DIAPH2: variants seen among roughly 807,000 people sequenced by gnomAD.
DIAPH2 encodes the protein protein diaphanous homolog 2.
DIAPH2 carries 35 observed loss-of-function variants against 92.7 expected under a neutral mutation model. The ratio of observed to expected loss-of-function variants is 0.38; its 90% CI spans 0.29 to 0.50. The LOEUF is 0.50. Ranked by LOEUF, DIAPH2 falls within the 20% of genes least tolerant of loss-of-function variation. The probability of loss-of-function intolerance (pLI) is 0.94; values close to 1 mark genes in which losing one functional copy is unlikely to be tolerated. For missense variants in DIAPH2, 701 were observed against 819.5 expected (o/e 0.86, Z 1.77); for synonymous variants, 301 against 280.4 (o/e 1.07, Z -0.73).
At chrX:97,245,681 C>T (rs763657373) in intron 22 of DIAPH2, among the ~76,000 whole-genome samples, 3 of 111,062 alleles carry the variant, frequency 2.7e-5, no homozygotes, top group East Asian at 5.7e-4. Flanking sequence ...CACAAGTGCT[C>T]GGATTACAGG....
At position 96,958,116 on chromosome X, in the gene DIAPH2, G is replaced by T; in HGVS notation, c.1903G>T (p.Glu635Ter). 1 of 1,209,508 alleles carries T rather than the reference G, an allele frequency of 8.3e-7. No homozygotes were observed. Among genetic ancestry groups the T allele is most frequent in the Non-Finnish European group, 1.1e-6 (1 of 894,546 alleles). The change falls in exon 16 of 27, where the codon GAA becomes TAA. Residue 635 changes from glutamate to a stop codon, truncating the protein, a stop_gained. Transcript: ENST00000324765. LOFTEE classifies it high-confidence loss of function. ...GAAGCAGAAAAAAATGTATAAACCT[G>T]AAGTGTCCATGAAGAGAATCAATTG... is the stretch of plus-strand genomic sequence containing the variant. ...GMKQKKMYKP[E>*]VSMKRINWSK...
Position 96,949,012 on chromosome X carries a change from A to G in DIAPH2, c.1587A>G (p.Glu529=). 8.3e-7 allele frequency: 1 copy of G among 1,203,144 alleles called. No homozygotes were observed. The highest frequency in any genetic ancestry group is 1.1e-6 in the Non-Finnish European group (1 of 890,468). The change falls in exon 15 of 27, where the codon GAA becomes GAG. Residue 529 remains glutamate (E), a synonymous_variant. Transcript: ENST00000324765. ...QKRDEKIKEL[E]AEIQQLRTQA... ...GAGATGAGAAAATCAAAGAACTTGAAGCAGAAATCCAGCAACTTCGAACCC... is the reference window on the plus strand; with the variant it reads ...GAGATGAGAAAATCAAAGAACTTGAGGCAGAAATCCAGCAACTTCGAACCC...
At chrX:96,931,653 C>T (rs752073262) in intron 10 of DIAPH2, among the ~76,000 whole-genome samples, 6 of 109,224 alleles carry the variant, frequency 5.5e-5, no homozygotes, top group East Asian at 2.8e-4. Flanking sequence ...CATGTGTGTG[C>T]GTGTGTGTGT....
intron 26 of DIAPH2, among the ~76,000 whole-genome samples, chrX:97,540,543 T>A (rs1460944567): frequency 1.8e-5 from 2 of 112,561 alleles, no homozygotes; most frequent in African/African-American, 3.2e-5. Context: ...TTAAGTGAAG[T>A]CATAGTTAGC....
chrX:97,105,601 CTT>C (rs1248902256), intron 20 of DIAPH2, among the ~76,000 whole-genome samples: 1 of 111,948 alleles, frequency 8.9e-6, no homozygotes, highest in Non-Finnish European at 1.9e-5. Context: ...TTCTGAGTGT[CTT>C]TGCAGCTCAG....
intron 23 of DIAPH2, among the ~76,000 whole-genome samples, chrX:97,270,050 C>A (rs1311499203): frequency 2.7e-5 from 3 of 111,274 alleles, no homozygotes; most frequent in Non-Finnish European, 3.8e-5. Flanking sequence ...CCTGCCTCAG[C>A]CTCCTGAGTA....
chrX:97,323,566 G>A (rs2068921390), intron 23 of DIAPH2, among the ~76,000 whole-genome samples: 1 of 93,751 alleles, frequency 1.1e-5, no homozygotes, highest in African/African-American at 3.9e-5. Context: ...ACTCCAGCCT[G>A]GGTGACAGAG....
At chrX:97,546,729 G>A (rs1048291603) in intron 26 of DIAPH2, among the ~76,000 whole-genome samples, 5 of 110,593 alleles carry the variant, frequency 4.5e-5, no homozygotes, top group African/African-American at 6.6e-5. Flanking sequence ...CCAGCTACTC[G>A]GGAGGCTGAG....
At chrX:97,285,570 C>G (rs1488424347) in intron 23 of DIAPH2, among the ~76,000 whole-genome samples, 1 of 110,311 alleles carries the variant, frequency 9.1e-6, no homozygotes, top group Non-Finnish European at 1.9e-5. Context: ...AACCCGTAGA[C>G]TAGGATCAAT....
At chrX:97,528,546 T>C (rs762079620) in intron 26 of DIAPH2, 2 of 110,588 alleles carry the variant, frequency 1.8e-5, no homozygotes, top group African/African-American at 6.6e-5. Flanking sequence ...AGCTTACAGG[T>C]TTTTGTTTTT....
chrX:97,216,919 AAGG>A (rs1476424889), intron 22 of DIAPH2, among the ~76,000 whole-genome samples: 11 of 111,720 alleles, frequency 9.8e-5, no homozygotes, highest in Non-Finnish European at 1.7e-4. Flanking sequence ...TAATTTCAGG[AAGG>A]AGGAATGTGG....
chrX:97,573,358 T>C (rs2071381658), intron 26 of DIAPH2, among the ~76,000 whole-genome samples: 1 of 111,581 alleles, frequency 9.0e-6, no homozygotes, highest in Non-Finnish European at 1.9e-5. Context: ...TTTTTTGTGA[T>C]GTGTTAACTA....
At chrX:97,424,315 A>G (rs1440840875) in intron 25 of DIAPH2, among the ~76,000 whole-genome samples, 2 of 111,201 alleles carry the variant, frequency 1.8e-5, no homozygotes, top group Non-Finnish European at 3.8e-5. Flanking sequence ...CTCAGAAGGG[A>G]CAATATTACC....
intron 23 of DIAPH2, among the ~76,000 whole-genome samples, chrX:97,255,038 A>G (rs149280312): frequency 9.0e-6 from 1 of 111,646 alleles, no homozygotes; most frequent in East Asian, 2.8e-4. Context: ...AATTGAGGCT[A>G]TAGAGGTTCA....
chrX:97,595,584 TTCTTTCTTTCTTTC>T (rs1480494025), intron 26 of DIAPH2, among the ~76,000 whole-genome samples: 1 of 103,151 alleles, frequency 9.7e-6, no homozygotes, highest in Non-Finnish European at 2.1e-5. Context: ...TTTCCTCTCT[TTCTTTCTTTCTTTC>T]TCTTTCTTTC....
chrX:96,708,886 C>CT (rs1453813825), intron 1 of DIAPH2, among the ~76,000 whole-genome samples: 1 of 111,437 alleles, frequency 9.0e-6, no homozygotes, highest in Non-Finnish European at 1.9e-5. Context: ...CAGAAGTTCT[C>CT]TTTTTTCATG....
intron 12 of DIAPH2, 116 bp downstream of exon 12, chrX:96,939,498 A>G (rs2065680914): frequency 1.6e-5 from 1 of 62,470 alleles, no homozygotes; most frequent in Admixed American, 1.6e-4. Context: ...GTATATATAT[A>G]TGTATATATA....
intron 3 of DIAPH2, among the ~76,000 whole-genome samples, chrX:96,743,284 A>T (rs1789822658): frequency 9.0e-6 from 1 of 111,326 alleles, no homozygotes; most frequent in African/African-American, 3.3e-5. Context: ...CTTTTATGTT[A>T]TGTGACCCAC....
intron 1 of DIAPH2, among the ~76,000 whole-genome samples, chrX:96,703,210 A>G (rs746070066): frequency 5.4e-5 from 6 of 111,975 alleles, no homozygotes; most frequent in South Asian, 3.8e-4. Flanking sequence ...AATTCATTCT[A>G]TAACCCATGT....
Sources: allele counts gnomAD v4.1 joint callset (sites outside exome capture counted in the v4.1 genomes callset), GRCh38; gene constraint gnomAD v4.1.1; transcripts MANE v1.5; gene names NCBI Gene and HGNC (gene_info 2026-07-23, HGNC 2026-07-21).